Variants in WWC1 observed in about 807,000 individuals in gnomAD.
WWC1 encodes the protein protein KIBRA.
WWC1 carries 55 observed loss-of-function variants against 138.4 expected under a neutral mutation model. The observed-to-expected ratio is 0.40, with a 90% CI of 0.32 to 0.50. WWC1 has a LOEUF of 0.50. Ranked by LOEUF, WWC1 falls within the 20% of genes least tolerant of loss-of-function variation. The probability of loss-of-function intolerance (pLI) is 0.72; values close to 1 mark genes in which losing one functional copy is unlikely to be tolerated. For missense variants in WWC1, 1,226 were observed against 1,420.4 expected, an observed-to-expected ratio of 0.86 and a Z score of 2.20; for synonymous variants, 524 against 564.9, an observed-to-expected ratio of 0.93 and a Z score of 1.03.
At chr5:168,382,086 A>G (rs76913603) in intron 2 of WWC1, among the ~76,000 whole-genome samples, 2,927 of 152,308 alleles carry the variant, frequency 0.019, 47 homozygotes, top group Non-Finnish European at 0.031. Context: ...GTAGCAAAAG[A>G]ACTGAAAACA....
intron 15 of WWC1, among the ~76,000 whole-genome samples, chr5:168,434,099 G>A (rs766448502): frequency 1.3e-5 from 2 of 152,218 alleles, no homozygotes; most frequent in African/African-American, 4.8e-5. Flanking sequence ...CTCCTCCAGC[G>A]AAGCATTCCC....
intron 3 of WWC1, among the ~76,000 whole-genome samples, chr5:168,393,201 C>T (rs1031508882): frequency 6.6e-6 from 1 of 152,080 alleles, no homozygotes; most frequent in Admixed American, 6.6e-5. Flanking sequence ...AGGAGAAAAG[C>T]ATCGCTGAAA....
chr5:168,304,848 G>A (rs934381312), intron 1 of WWC1, among the ~76,000 whole-genome samples: 4 of 148,740 alleles, frequency 2.7e-5, no homozygotes, highest in Admixed American at 2.0e-4. Flanking sequence ...TTTTTTTTGA[G>A]GTGGAGTCTC....
intron 9 of WWC1, among the ~76,000 whole-genome samples, chr5:168,418,388 T>C (rs535684699): frequency 1.3e-5 from 2 of 152,328 alleles, no homozygotes; most frequent in African/African-American, 4.8e-5. Flanking sequence ...CGGCCTGAGA[T>C]GCAGCCCAGG....
Position 168,444,528 on chromosome 5 carries a change from T to A in WWC1, c.2468T>A (p.Val823Glu). The change falls in exon 17 of 23, where the codon GTG becomes GAG. Residue 823 changes from valine to glutamate, a missense_variant. Coordinates refer to ENST00000265293, the MANE Select transcript of WWC1 (RefSeq NM_015238.3). Reference protein sequence around the residue: ...AVSALLEQTAVELEKRQEGRS... With the variant: ...AVSALLEQTAEELEKRQEGRS... ...TCTGCTCTGTTGGAACAGACAGCAG[T>A]GGAGCTGGAGAAGAGGCAGGAGGGC... The A allele has an allele frequency of 6.2e-7, 1 of 1,602,178 alleles. No homozygotes were observed. Among genetic ancestry groups the A allele is most frequent in the Non-Finnish European group, 8.5e-7 (1 of 1,173,944 alleles).
At chr5:168,409,814 C>A in intron 7 of WWC1, 108 bp from the exon 8 acceptor site, 1 of 1,163,620 alleles carries the variant, frequency 8.6e-7, no homozygotes, top group Non-Finnish European at 1.3e-6. Flanking sequence ...GGGGGCTATT[C>A]TTGGCTACTG....
At position 168,424,082 on chromosome 5, in the gene WWC1, T is replaced by C; in HGVS notation, c.1810+14T>C. ...AGCTGGGCCAAGGTAGAGAGCACCA[T>C]ACCCAGAGGGTGGGAACCAGGAGGA... On this transcript the variant is annotated intron_variant, in intron 11 of 22. Coordinates refer to ENST00000265293, the MANE Select transcript of WWC1 (RefSeq NM_015238.3). The C allele has an allele frequency of 6.4e-7, 1 of 1,569,462 alleles. No homozygotes were observed. The highest frequency in any genetic ancestry group is 8.6e-7 in the Non-Finnish European group (1 of 1,158,852).
At chr5:168,372,689 G>T (rs4976597) in intron 2 of WWC1, among the ~76,000 whole-genome samples, 62,547 of 152,050 alleles carry the variant, frequency 0.41, 12,979 homozygotes, top group Middle Eastern at 0.51. Flanking sequence ...GGCTGGGATT[G>T]GAACTGGCCC....
chr5:168,467,177 G>C (rs1757369309), intron 21 of WWC1, among the ~76,000 whole-genome samples: 1 of 152,326 alleles, frequency 6.6e-6, no homozygotes, highest in South Asian at 2.1e-4. Context: ...AGAATGGCGT[G>C]AACCCAGGAG....
chr5:168,323,109 G>A (rs1490101179), intron 1 of WWC1, among the ~76,000 whole-genome samples: 1 of 152,128 alleles, frequency 6.6e-6, no homozygotes, highest in South Asian at 2.1e-4. Flanking sequence ...TTTAAAATAA[G>A]TCAGTAGAGA....
At chr5:168,372,497 A>G (rs1033062146) in intron 2 of WWC1, among the ~76,000 whole-genome samples, 19 of 152,178 alleles carry the variant, frequency 1.2e-4, no homozygotes, top group Admixed American at 2.0e-4. Context: ...AGGGCATCAA[A>G]TCCTAATAGC....
At chr5:168,429,256 A>AT (rs67280988) in intron 13 of WWC1, among the ~76,000 whole-genome samples, 4,675 of 116,384 alleles carry the variant, frequency 0.04, 360 homozygotes, top group African/African-American at 0.14. Context: ...TATGATCTCA[A>AT]TTTTTTTTTT....
intron 5 of WWC1, among the ~76,000 whole-genome samples, chr5:168,400,249 G>A (rs1779212805): frequency 6.6e-6 from 1 of 152,008 alleles, no homozygotes; most frequent in Non-Finnish European, 1.5e-5. Flanking sequence ...TGTGTCATGG[G>A]GGTTTGTTGT....
At position 168,391,320 on chromosome 5, in the gene WWC1, A is replaced by G. The variant is rs538873602; in HGVS notation, c.433+5906A>G. 5.3e-3 allele frequency among the ~76,000 whole-genome samples: 800 copies of G among 152,290 alleles called. 5 individuals carry two copies. The highest frequency in any genetic ancestry group is 8.4e-3 in the Non-Finnish European group (569 of 68,028). On this transcript the variant is annotated intron_variant, in intron 3 of 22. Transcript: ENST00000265293. ...GAGGCTGAAGTGGGAGGATCGCTTG[A>G]GCCCAGGAGTCCAGTCCAGGCAACA... is the stretch of plus-strand genomic sequence containing the variant.
chr5:168,372,990 A>G lies in WWC1; in HGVS notation c.229+1457A>G, dbSNP rs1351316736. On this transcript the variant is annotated intron_variant, in intron 2 of 22. Coordinates refer to ENST00000265293, the MANE Select transcript of WWC1 (RefSeq NM_015238.3). ...GACTGTTGTTGGCACCAAAGTGTAG[A>G]AGAGCTTCTGAGAGACAGCTAATGG... 2.0e-5 allele frequency among the ~76,000 whole-genome samples: 3 copies of G among 152,376 alleles called. No individual in the cohort carries two copies. In the East Asian group the frequency reaches 5.8e-4, roughly 29 times the overall value.
chr5:168,363,395 G>C (rs1776028319), intron 1 of WWC1, among the ~76,000 whole-genome samples: 1 of 151,728 alleles, frequency 6.6e-6, no homozygotes, highest in South Asian at 2.1e-4. Flanking sequence ...ATGGTGGCGG[G>C]CACCTGTAGT....
intron 9 of WWC1, among the ~76,000 whole-genome samples, chr5:168,419,329 G>C (rs1327889205): frequency 6.7e-6 from 1 of 148,592 alleles, no homozygotes; most frequent in Non-Finnish European, 1.5e-5. Context: ...TAATATGCAG[G>C]TCTTTCAGCA....
intron 2 of WWC1, among the ~76,000 whole-genome samples, chr5:168,371,947 C>T (rs1776781056): frequency 6.6e-6 from 1 of 152,106 alleles, no homozygotes; most frequent in East Asian, 1.9e-4. Flanking sequence ...TTGTCATTGC[C>T]AGACTATCTT....
Position 168,469,629 on chromosome 5 carries a change from CCTAGT to C in WWC1, c.*616_*620del. The stretch of plus-strand genomic sequence containing the variant: ...GTGATAGGCTGGGTGGGCTAAGCAG[CCTAGT>C]CTATGTGGGTGACAGGCCACGCTGG... On this transcript the variant is annotated 3_prime_UTR_variant, in exon 23 of 23. Coordinates refer to ENST00000265293, the MANE Select transcript of WWC1 (RefSeq NM_015238.3). 6.5e-6 allele frequency: 1 copy of C among 152,916 alleles called. No homozygotes were observed. Among genetic ancestry groups the C allele is most frequent in the East Asian group, 1.9e-4 (1 of 5,184 alleles). 9.5% of individuals were successfully genotyped at this position (152,916 alleles called of 1,614,324 possible).
Sources: gnomAD v4.1 joint callset for allele counts (sites outside exome capture counted in the v4.1 genomes callset) on GRCh38, gnomAD v4.1.1 for gene constraint, MANE v1.5 for transcripts, NCBI Gene and HGNC (gene_info 2026-07-23, HGNC 2026-07-21) for gene names.